ZNF117: variants seen among roughly 807,000 people sequenced by gnomAD.
The protein encoded by ZNF117 is zinc finger protein 117.
In ZNF117, 37 loss-of-function variants were observed where a neutral mutation model predicts 41.2. The ratio of observed to expected loss-of-function variants is 0.90; its 90% confidence interval spans 0.69 to 1.18. The LOEUF (loss-of-function observed/expected upper bound fraction) is 1.18. ZNF117 is among the 50% of genes most tolerant of loss of function. The pLI is 0.00. For synonymous variants in ZNF117, 186 were observed against 186.6 expected, an observed-to-expected ratio of 1.00 and a Z score of 0.02; for missense variants, 546 against 557.5, an observed-to-expected ratio of 0.98 and a Z score of 0.21.
chr7:64,971,965 C>T (rs1441676059), downstream of ZNF117: 1 of 151,674 alleles, frequency 6.6e-6, no homozygotes, highest in Admixed American at 6.6e-5. Flanking sequence ...ATAACAGAAA[C>T]ATATAAACAA....
At chr7:64,989,127 G>A (rs1246448541) in intron 1 of ZNF117, among the ~76,000 whole-genome samples, 2 of 143,096 alleles carry the variant, frequency 1.4e-5, no homozygotes, top group East Asian at 2.1e-4. Context: ...CAAAGAGCCC[G>A]AATACCCAAG....
At chr7:64,988,698 C>T (rs1786187791) in intron 1 of ZNF117, among the ~76,000 whole-genome samples, 1 of 152,044 alleles carries the variant, frequency 6.6e-6, no homozygotes, top group Admixed American at 6.6e-5. Context: ...TATAGAAAAC[C>T]CTATAGTCTC....
chr7:64,984,787 AT>A (rs1208245301), upstream of ZNF117, among the ~76,000 whole-genome samples: 11 of 151,978 alleles, frequency 7.2e-5, no homozygotes, highest in African/African-American at 2.2e-4. Context: ...ATATAACATT[AT>A]TTTTTGTTTG....
chr7:64,986,015 C>T (rs1453657745), upstream of ZNF117, among the ~76,000 whole-genome samples: 2 of 149,178 alleles, frequency 1.3e-5, no homozygotes, highest in Non-Finnish European at 3.0e-5. Flanking sequence ...GAGAATAAGG[C>T]TTCTTATTTC....
downstream of ZNF117, chr7:64,972,508 A>G (rs576498055): frequency 6.6e-6 from 1 of 152,184 alleles, no homozygotes; most frequent in South Asian, 2.1e-4. Flanking sequence ...ATTAACCTGG[A>G]GGACATCATA....
exon 3 of ZNF117, chr7:64,976,440 TAA>T (rs71061343): frequency 1.9e-3 from 291 of 149,760 alleles, no homozygotes; most frequent in South Asian, 3.4e-3. Flanking sequence ...AGACTCCATC[TAA>T]AAAAAAAAAA....
At chr7:64,981,915 C>G (rs1786041782) in intron 1 of ZNF117, 69 bp downstream of exon 2, 1 of 448,466 alleles carries the variant, frequency 2.2e-6, no homozygotes, top group Admixed American at 3.3e-5. Flanking sequence ...GCATAAATCA[C>G]CAAAAACATT....
exon 3 of ZNF117, chr7:64,977,438 T>G: frequency 2.2e-6 from 1 of 451,078 alleles, no homozygotes; most frequent in South Asian, 1.7e-5. Context: ...GTGTAGTAAG[T>G]TTTGAGCATC....
chr7:64,974,889 C>T (rs181992833), exon 3 of ZNF117: 3 of 151,836 alleles, frequency 2.0e-5, no homozygotes, highest in Non-Finnish European at 4.4e-5. Flanking sequence ...ATTTCATTTG[C>T]CCTGATGTGA....
At chr7:64,981,464 G>C (rs1428901173) in exon 2 of ZNF117, 3 of 1,606,610 alleles carry the variant, frequency 1.9e-6, no homozygotes, top group Non-Finnish European at 2.6e-6. Flanking sequence ...AATCAGGTCT[G>C]GCTTAGAGAC....
chr7:64,981,103 C>CA (rs950760039), intron 2 of ZNF117: 979 of 338,360 alleles, frequency 2.9e-3, no homozygotes, highest in East Asian at 4.7e-3. Flanking sequence ...AAAACAACAA[C>CA]AAAAAAAAAC....
chr7:64,990,918 C>T (rs1786248365), exon 1 of ZNF117: 2 of 235,218 alleles, frequency 8.5e-6, no homozygotes, highest in Non-Finnish European at 1.6e-5. Flanking sequence ...CTGCTTCATT[C>T]CCCCCTTTGA....
intron 1 of ZNF117, among the ~76,000 whole-genome samples, chr7:64,989,465 AT>A (rs1238356403): frequency 2.0e-4 from 12 of 60,078 alleles, no homozygotes; most frequent in Non-Finnish European, 4.5e-4. Flanking sequence ...ATATATATAT[AT>A]ATATATATAT....
exon 3 of ZNF117, chr7:64,978,038 G>A: frequency 1.4e-6 from 2 of 1,441,354 alleles, no homozygotes; most frequent in Non-Finnish European, 1.9e-6. Context: ...TTGAGAAATG[G>A]TTAGAAGTTT....
At chr7:64,973,967 C>T (rs1785823452), downstream of ZNF117, 1 of 151,926 alleles carries the variant, frequency 6.6e-6, no homozygotes, top group Non-Finnish European at 1.5e-5. Context: ...ATCTGTTACA[C>T]AGCAAGCACT....
exon 1 of ZNF117, chr7:64,990,225 A>G (rs1786232819): frequency 6.6e-6 from 1 of 152,254 alleles, no homozygotes; most frequent in East Asian, 1.9e-4. Context: ...ATGCAGAGAA[A>G]AACCACAGTG....
chr7:64,985,810 A>G (rs1786120948), upstream of ZNF117, among the ~76,000 whole-genome samples: 1 of 151,946 alleles, frequency 6.6e-6, no homozygotes. Flanking sequence ...GATACAAAAA[A>G]TTAGCCAGGT....
exon 3 of ZNF117, chr7:64,978,595 T>A (rs768613026): frequency 9.9e-6 from 16 of 1,612,510 alleles, no homozygotes; most frequent in Non-Finnish European, 1.4e-5. Context: ...CCAGTATGAA[T>A]TTTTTTATGG....
At chr7:64,989,186 C>A (rs566632585) in intron 1 of ZNF117, among the ~76,000 whole-genome samples, 12 of 150,990 alleles carry the variant, frequency 7.9e-5, no homozygotes, top group Admixed American at 1.3e-4. Context: ...TACACACACA[C>A]ACACATATAT....
Sources: allele counts gnomAD v4.1 joint callset (sites outside exome capture counted in the v4.1 genomes callset), GRCh38; gene constraint gnomAD v4.1.1; transcripts MANE v1.5; gene names NCBI Gene and HGNC (gene_info 2026-07-23, HGNC 2026-07-21).